Variants in PLOD2 observed in about 807,000 individuals in gnomAD.
The protein encoded by PLOD2 is lysine hydroxylase 2.
PLOD2 carries 65 observed loss-of-function variants against 101.0 expected under a neutral mutation model. The ratio of observed to expected loss-of-function variants is 0.64; its 90% CI spans 0.53 to 0.79. The LOEUF (loss-of-function observed/expected upper bound fraction) is 0.79, where lower values mean the gene tolerates loss of function less well. Among genes scored for constraint, PLOD2 ranks in the 30% least tolerant of loss-of-function variants. The probability of loss-of-function intolerance (pLI) is 0.00; values close to 1 mark genes in which losing one functional copy is unlikely to be tolerated. For missense variants in PLOD2, 909 were observed against 914.6 expected (o/e 0.99, Z 0.08); for synonymous variants, 314 against 302.9 (o/e 1.04, Z -0.38).
chr3:146,071,815 C>T (rs1456404056), intron 17 of PLOD2, among the ~76,000 whole-genome samples: 1 of 151,600 alleles, frequency 6.6e-6, no homozygotes, highest in East Asian at 1.9e-4. Flanking sequence ...TCTGTATTAC[C>T]AAACACTAAA....
At chr3:146,128,158 A>G (rs2108104742) in intron 1 of PLOD2, among the ~76,000 whole-genome samples, 1 of 152,308 alleles carries the variant, frequency 6.6e-6, no homozygotes, top group East Asian at 1.9e-4. Flanking sequence ...AACTATAATT[A>G]ATACCTTTTC....
In PLOD2 at chr3:146,161,033, C is replaced by T. The variant is rs1236191258; in HGVS notation, c.-44G>A. ...GCGCGGGCTCAGGCGCCCACGGCCCCGCAGCGCCGCGCTTCTCGCGAGAAC... is the reference window on the plus strand; with the variant it reads ...GCGCGGGCTCAGGCGCCCACGGCCCTGCAGCGCCGCGCTTCTCGCGAGAAC... On this transcript the variant is annotated 5_prime_UTR_variant, in exon 1 of 20. Coordinates refer to ENST00000282903, the MANE Select transcript of PLOD2 (RefSeq NM_182943.3). 6.2e-6 allele frequency: 8 copies of T among 1,290,894 alleles called. No individual in the cohort carries two copies. The highest frequency in any genetic ancestry group is 4.4e-5 in the African/African-American group (3 of 67,650). The allele number at this position is 1,290,894 out of a possible 1,614,324, so 80.0% of individuals were successfully genotyped here.
intron 7 of PLOD2, 142 bp downstream of exon 7, chr3:146,102,613 C>T (rs1027642729): frequency 2.3e-5 from 14 of 613,290 alleles, no homozygotes; most frequent in African/African-American, 5.6e-5. Flanking sequence ...AGATGATATA[C>T]TGTGTAAAAG....
rs189326207 is a variant in PLOD2 at position 146,142,539 on chromosome 3, T to C, written c.110-18310A>G. 9.9e-5 allele frequency among the ~76,000 whole-genome samples: 15 copies of C among 152,212 alleles called. No homozygotes were observed. In the East Asian group the frequency reaches 2.5e-3, roughly 26 times the overall value. Reference sequence around the variant, plus strand: ...CAGCTACATGGTAGATGTACTTTCATGTAAAGGTTGGTCAATAAAAACACT... The same window carrying C: ...CAGCTACATGGTAGATGTACTTTCACGTAAAGGTTGGTCAATAAAAACACT... On this transcript the variant is annotated intron_variant, in intron 1 of 19. Coordinates refer to ENST00000282903, the MANE Select transcript of PLOD2 (RefSeq NM_182943.3).
intron 1 of PLOD2, among the ~76,000 whole-genome samples, chr3:146,131,324 C>T (rs2030895175): frequency 6.6e-6 from 1 of 152,138 alleles, no homozygotes; most frequent in Non-Finnish European, 1.5e-5. Flanking sequence ...TATGCTGAAT[C>T]CTGTAGGTCC....
At chr3:146,113,281 T>G (rs2108075008) in intron 3 of PLOD2, among the ~76,000 whole-genome samples, 1 of 152,330 alleles carries the variant, frequency 6.6e-6, no homozygotes, top group East Asian at 1.9e-4. Flanking sequence ...CTCATTCGAG[T>G]AGCACTGCTA....
At chr3:146,126,550 A>T (rs1452420299) in intron 1 of PLOD2, among the ~76,000 whole-genome samples, 1 of 152,194 alleles carries the variant, frequency 6.6e-6, no homozygotes, top group Non-Finnish European at 1.5e-5. Flanking sequence ...CAGGAAAGAG[A>T]TGTCAGCAAT....
intron 1 of PLOD2, among the ~76,000 whole-genome samples, chr3:146,145,754 G>C (rs1460713101): frequency 6.6e-6 from 1 of 151,870 alleles, no homozygotes; most frequent in Non-Finnish European, 1.5e-5. Context: ...TCCTTAATGA[G>C]CCAGAATTTT....
chr3:146,121,001 G>C, intron 3 of PLOD2, 111 bp downstream of exon 3: 1 of 857,304 alleles, frequency 1.2e-6, no homozygotes, highest in Non-Finnish European at 1.9e-6. Flanking sequence ...GATTACAGGC[G>C]TGAGCCACCG....
intron 3 of PLOD2, among the ~76,000 whole-genome samples, chr3:146,120,404 C>A (rs962136247): frequency 6.6e-6 from 1 of 151,986 alleles, no homozygotes; most frequent in Non-Finnish European, 1.5e-5. Flanking sequence ...GCTGGGAAAA[C>A]TGGCTAGCCA....
chr3:146,117,751 A>T (rs915553327), intron 3 of PLOD2, among the ~76,000 whole-genome samples: 18 of 152,104 alleles, frequency 1.2e-4, no homozygotes. Flanking sequence ...CAGTGCCTGG[A>T]AGACACTGTG....
chr3:146,141,306 G>A (rs2031510021), intron 1 of PLOD2, among the ~76,000 whole-genome samples: 1 of 152,066 alleles, frequency 6.6e-6, no homozygotes, highest in African/African-American at 2.4e-5. Flanking sequence ...TTATCTTGCA[G>A]TTTACTTAAA....
upstream of PLOD2, chr3:146,161,184 C>CT: frequency 2.7e-6 from 1 of 372,882 alleles, no homozygotes; most frequent in Non-Finnish European, 4.7e-6. Context: ...CACGGAGCAG[C>CT]AGGCGCCCGG....
chr3:146,131,429 G>A (rs2030902869), intron 1 of PLOD2, among the ~76,000 whole-genome samples: 1 of 152,164 alleles, frequency 6.6e-6, no homozygotes, highest in African/African-American at 2.4e-5. Flanking sequence ...GAGGTACTAT[G>A]GGGATAGTGC....
intron 10 of PLOD2, 187 bp from the exon 11 acceptor site, chr3:146,085,460 C>T (rs1056240866): frequency 3.3e-5 from 19 of 574,602 alleles, no homozygotes; most frequent in South Asian, 7.4e-5. Context: ...CAATTTAACA[C>T]GGATATTCAC....
chr3:146,089,690 T>C (rs573556723), intron 8 of PLOD2, among the ~76,000 whole-genome samples: 101 of 151,620 alleles, frequency 6.7e-4, no homozygotes, highest in Non-Finnish European at 1.3e-3. Flanking sequence ...TTGTACACTA[T>C]CATATTTCTT....
At chr3:146,113,109 G>C (rs1200986905) in intron 3 of PLOD2, among the ~76,000 whole-genome samples, 2 of 152,132 alleles carry the variant, frequency 1.3e-5, no homozygotes, top group African/African-American at 4.8e-5. Context: ...ATAAATGTCA[G>C]TTGTTTGAAA....
chr3:146,123,236 A>G lies in PLOD2; in HGVS notation c.201+902T>C, dbSNP rs375749412. The G allele has an allele frequency of 5.2e-5, 49 of 940,858 alleles. 1 individual carries two copies. The South Asian group carries it at 5.9e-4, about 11-fold the overall frequency. 58.3% of individuals were successfully genotyped at this position (940,858 alleles called of 1,614,324 possible). On this transcript the variant is annotated intron_variant, in intron 2 of 19. Coordinates refer to ENST00000282903, the MANE Select transcript of PLOD2 (RefSeq NM_182943.3). ...AAGTAATCTTTCTTCTTTTTTAAAA[A>G]AAAAGTTTTTTGCTTTTTGTGTTCC... is the stretch of plus-strand genomic sequence containing the variant.
intron 7 of PLOD2, among the ~76,000 whole-genome samples, chr3:146,095,908 C>T (rs1235069697): frequency 7.3e-6 from 1 of 136,972 alleles, no homozygotes; most frequent in African/African-American, 2.7e-5. Context: ...CCTCCCCCCT[C>T]TCCCTCCACA....
Sources: allele counts gnomAD v4.1 joint callset (sites outside exome capture counted in the v4.1 genomes callset), GRCh38; gene constraint gnomAD v4.1.1; transcripts MANE v1.5; gene names NCBI Gene and HGNC (gene_info 2026-07-23, HGNC 2026-07-21).